ANKH: variants seen among roughly 807,000 people sequenced by gnomAD.
ANKH encodes ANKH inorganic pyrophosphate transport regulator.
ANKH carries 15 observed loss-of-function variants against 49.0 expected under a neutral mutation model. The ratio of observed to expected loss-of-function variants is 0.31; its 90% CI spans 0.20 to 0.47. The LOEUF (loss-of-function observed/expected upper bound fraction) is 0.47. Among genes scored for constraint, ANKH ranks in the 20% least tolerant of loss-of-function variants. The probability of loss-of-function intolerance (pLI) is 1.00; values close to 1 mark genes in which losing one functional copy is unlikely to be tolerated. For synonymous variants in ANKH, 273 were observed against 260.0 expected, an observed-to-expected ratio of 1.05 and a Z score of -0.48; for missense variants, 429 against 652.0, an observed-to-expected ratio of 0.66 and a Z score of 3.72.
rs1261090429 is a variant in ANKH, at chr5:14,706,770, T to G, written c.*4427A>C. On this transcript the variant is annotated 3_prime_UTR_variant, in exon 12 of 12. Transcript: ENST00000284268. ...CACATGATGTTTTTTGCTGCTTCAA[T>G]GACAGAAATAGAGATTCAAAATAAC... The G allele has an allele frequency of 1.3e-5, 2 of 152,198 alleles. No homozygotes were observed. The highest frequency in any genetic ancestry group is 2.9e-5 in the Non-Finnish European group (2 of 68,044). 9.4% of individuals were successfully genotyped at this position (152,198 alleles called of 1,614,324 possible).
intron 1 of ANKH, among the ~76,000 whole-genome samples, chr5:14,837,006 C>T (rs1430035392): frequency 6.6e-6 from 1 of 152,104 alleles, no homozygotes; most frequent in Non-Finnish European, 1.5e-5. Context: ...CTGACAAAAA[C>T]AAGAAATGGG....
intron 1 of ANKH, among the ~76,000 whole-genome samples, chr5:14,773,251 T>A (rs1386551067): frequency 1.3e-5 from 2 of 152,188 alleles, no homozygotes; most frequent in African/African-American, 4.8e-5. Flanking sequence ...AATGTGTTAA[T>A]CTTGGATGGT....
At chr5:14,835,140 A>C (rs1343912342) in intron 1 of ANKH, among the ~76,000 whole-genome samples, 1 of 152,254 alleles carries the variant, frequency 6.6e-6, no homozygotes, top group East Asian at 1.9e-4. Flanking sequence ...AGTTTTTTAA[A>C]AAATAATTCT....
At chr5:14,830,788 T>A (rs1269445444) in intron 1 of ANKH, among the ~76,000 whole-genome samples, 1 of 152,058 alleles carries the variant, frequency 6.6e-6, no homozygotes, top group African/African-American at 2.4e-5. Flanking sequence ...GGTGAAACAC[T>A]AAATCTGATT....
chr5:14,742,852 G>A (rs1481560688), intron 7 of ANKH, among the ~76,000 whole-genome samples: 2 of 152,246 alleles, frequency 1.3e-5, no homozygotes, highest in African/African-American at 4.8e-5. Context: ...CAGCTGCACT[G>A]CTAAGCGTGC....
At chr5:14,868,085 G>A (rs1245249369) in intron 1 of ANKH, among the ~76,000 whole-genome samples, 3 of 152,188 alleles carry the variant, frequency 2.0e-5, no homozygotes, top group Non-Finnish European at 4.4e-5. Context: ...AATATCAGAA[G>A]TTTCTGGAGA....
chr5:14,726,194 C>T lies in ANKH; in HGVS notation c.1012-9359G>A, dbSNP rs558631675. ...GGAGGGGCCAGCACAGGGCAGGACA[C>T]TATTAGATAACACTATGCTGTCTTG... On this transcript the variant is annotated intron_variant, in intron 8 of 11. Transcript: ENST00000284268. Among the ~76,000 whole-genome samples, 6 of 152,272 alleles carry T rather than the reference C, an allele frequency of 3.9e-5. No individual in the cohort carries two copies. The East Asian group carries it at 1.2e-3, about 29-fold the overall frequency.
chr5:14,792,079 G>A (rs114323713), intron 1 of ANKH, among the ~76,000 whole-genome samples: 43 of 152,272 alleles, frequency 2.8e-4, no homozygotes, highest in African/African-American at 9.4e-4. Flanking sequence ...CCTTTGGGAC[G>A]AGGGTGGAGG....
At chr5:14,762,762 G>C (rs1355056096) in intron 2 of ANKH, among the ~76,000 whole-genome samples, 1 of 152,116 alleles carries the variant, frequency 6.6e-6, no homozygotes, top group Non-Finnish European at 1.5e-5. Context: ...TTTGTTTAAA[G>C]TGATTTGCAT....
chr5:14,774,644 G>C (rs945157121), intron 1 of ANKH, among the ~76,000 whole-genome samples: 2 of 152,052 alleles, frequency 1.3e-5, no homozygotes, highest in African/African-American at 4.8e-5. Flanking sequence ...CCTACTGTTT[G>C]CTTTATCTGT....
In ANKH at chr5:14,749,389, C is replaced by T. The variant is rs1433781349; in HGVS notation, c.688-83G>A. ...CGATTCAGAATCAAAGCTTTTCCTTCGTATGTTAATCACAAGCCAATTCAC... is the reference window on the plus strand; with the variant it reads ...CGATTCAGAATCAAAGCTTTTCCTTTGTATGTTAATCACAAGCCAATTCAC... On this transcript the variant is annotated intron_variant, in intron 5 of 11. Transcript: ENST00000284268. 1.3e-5 allele frequency: 19 copies of T among 1,491,856 alleles called. 1 individual carries two copies. In the East Asian group the frequency reaches 1.6e-4, roughly 12 times the overall value. 92.4% of individuals were successfully genotyped at this position (1,491,856 alleles called of 1,614,324 possible).
In ANKH at chr5:14,747,978, G is replaced by T. The variant is rs58187176; in HGVS notation, c.822+1194C>A. On this transcript the variant is annotated intron_variant, in intron 6 of 11. Transcript: ENST00000284268. ...GGGAGTCAAGGAAATGTACATAAAT[G>T]CCTGGCACATGAGCAGATGACCAAT... Among the ~76,000 whole-genome samples the T allele has an allele frequency of 4.1e-3, 631 of 152,252 alleles. 4 individuals are homozygous for T. The highest frequency in any genetic ancestry group is 0.014 in the African/African-American group (596 of 41,550).
At chr5:14,756,089 T>C in intron 3 of ANKH, 145 bp from the exon 4 acceptor site, 1 of 741,634 alleles carries the variant, frequency 1.3e-6, no homozygotes, top group Non-Finnish European at 2.3e-6. Context: ...CTTTGGTTGG[T>C]AAAATTACTG....
At position 14,705,481 on chromosome 5, in the gene ANKH, G is replaced by A. The variant is rs1257907513; in HGVS notation, c.*5716C>T. On this transcript the variant is annotated 3_prime_UTR_variant, in exon 12 of 12. Transcript: ENST00000284268. ...GATGAGCAAGGTGAGGCCAAGAAGCGTGAGTGATATGGAAGCCTCCAGCTT... is the reference window on the plus strand; with the variant it reads ...GATGAGCAAGGTGAGGCCAAGAAGCATGAGTGATATGGAAGCCTCCAGCTT... 6.6e-6 allele frequency: 1 copy of A among 152,206 alleles called. No homozygotes were observed. The highest frequency in any genetic ancestry group is 1.5e-5 in the Non-Finnish European group (1 of 68,040). 9.4% of individuals were successfully genotyped at this position (152,206 alleles called of 1,614,324 possible). A position where few individuals can be genotyped will look rare whatever the true frequency, so the allele number is the denominator to read the frequency against.
intron 1 of ANKH, among the ~76,000 whole-genome samples, chr5:14,827,218 C>T (rs565333023): frequency 6.6e-6 from 1 of 152,346 alleles, no homozygotes; most frequent in South Asian, 2.1e-4. Context: ...AAGACTTTTA[C>T]CAAGGGCCAC....
intron 1 of ANKH, among the ~76,000 whole-genome samples, chr5:14,815,995 G>C (rs1741025099): frequency 1.3e-5 from 2 of 152,158 alleles, no homozygotes; most frequent in Non-Finnish European, 1.5e-5. Flanking sequence ...TTGTTTACTA[G>C]ATTGTCCGAT....
intron 1 of ANKH, among the ~76,000 whole-genome samples, chr5:14,782,828 G>A (rs1739852143): frequency 6.6e-6 from 1 of 152,158 alleles, no homozygotes; most frequent in Non-Finnish European, 1.5e-5. Flanking sequence ...CACCACGCAG[G>A]CCATCTTGCA....
At chr5:14,760,552 CAT>C (rs1409526681) in intron 2 of ANKH, among the ~76,000 whole-genome samples, 7 of 152,228 alleles carry the variant, frequency 4.6e-5, no homozygotes, top group Non-Finnish European at 7.3e-5. Flanking sequence ...TTTATTTGCA[CAT>C]GTGTTTTCAT....
chr5:14,782,473 A>G (rs976811260), intron 1 of ANKH, among the ~76,000 whole-genome samples: 5 of 152,124 alleles, frequency 3.3e-5, no homozygotes, highest in African/African-American at 1.2e-4. Flanking sequence ...TACTAAAACC[A>G]AAGTAAAGTA....
Sources: allele counts gnomAD v4.1 joint callset (sites outside exome capture counted in the v4.1 genomes callset), GRCh38; gene constraint gnomAD v4.1.1; transcripts MANE v1.5; gene names NCBI Gene and HGNC (gene_info 2026-07-23, HGNC 2026-07-21).